ARHGAP15: variants seen among roughly 807,000 people sequenced by gnomAD.
The protein encoded by ARHGAP15 is Rho GTPase activating protein 15, also known as rho GTPase-activating protein 15.
A neutral mutation model predicts 63.7 loss-of-function variants in ARHGAP15; 51 were observed. The ratio of observed to expected loss-of-function variants is 0.80; its 90% confidence interval spans 0.64 to 1.01. The LOEUF (loss-of-function observed/expected upper bound fraction) is 1.01. Ranked by LOEUF, ARHGAP15 falls within the 50% of genes least tolerant of loss-of-function variation. ARHGAP15 has a pLI of 0.00. For missense variants in ARHGAP15, 560 were observed against 564.6 expected (o/e 0.99, Z 0.08); for synonymous variants, 191 against 193.8 (o/e 0.99, Z 0.12).
At chr2:143,356,346 A>C (rs916481554) in intron 6 of ARHGAP15, among the ~76,000 whole-genome samples, 1 of 152,152 alleles carries the variant, frequency 6.6e-6, no homozygotes, top group Non-Finnish European at 1.5e-5. Flanking sequence ...GATCTTTGTA[A>C]GATGAATTAA....
intron 6 of ARHGAP15, among the ~76,000 whole-genome samples, chr2:143,311,822 C>T (rs1490217630): frequency 6.6e-6 from 1 of 152,102 alleles, no homozygotes; most frequent in East Asian, 1.9e-4. Flanking sequence ...AGATGGCAAA[C>T]CGGTTCAACA....
intron 12 of ARHGAP15, among the ~76,000 whole-genome samples, chr2:143,661,488 A>G (rs1681771006): frequency 6.6e-6 from 1 of 152,198 alleles, no homozygotes; most frequent in Non-Finnish European, 1.5e-5. Context: ...CAAAAAAAGT[A>G]TGTCTTCTTA....
chr2:143,736,799 A>G (rs1685763077), intron 13 of ARHGAP15, among the ~76,000 whole-genome samples: 1 of 152,244 alleles, frequency 6.6e-6, no homozygotes, highest in South Asian at 2.1e-4. Flanking sequence ...TATGAAATAG[A>G]ATGAAGGACT....
chr2:143,465,274 T>C (rs1226240228), intron 8 of ARHGAP15, among the ~76,000 whole-genome samples: 1 of 152,140 alleles, frequency 6.6e-6, no homozygotes, highest in Non-Finnish European at 1.5e-5. Context: ...AGAGGAATAG[T>C]GGGCACTGCT....
At chr2:143,481,201 G>A (rs1468974330) in intron 8 of ARHGAP15, among the ~76,000 whole-genome samples, 1 of 151,772 alleles carries the variant, frequency 6.6e-6, no homozygotes, top group Non-Finnish European at 1.5e-5. Flanking sequence ...ATGTCCTTTT[G>A]GAATTGAATT....
chr2:143,430,609 A>T (rs1020207159), intron 6 of ARHGAP15, among the ~76,000 whole-genome samples: 1 of 152,070 alleles, frequency 6.6e-6, no homozygotes, highest in Non-Finnish European at 1.5e-5. Context: ...TATCATGTGT[A>T]TATTTTCTGC....
At chr2:143,389,573 A>G (rs983691979) in intron 6 of ARHGAP15, among the ~76,000 whole-genome samples, 9 of 152,184 alleles carry the variant, frequency 5.9e-5, no homozygotes, top group African/African-American at 2.2e-4. Flanking sequence ...TTTCAAAGGA[A>G]AATGCAAATT....
At chr2:143,525,327 AAAAC>A (rs1354206555) in intron 10 of ARHGAP15, among the ~76,000 whole-genome samples, 4 of 150,756 alleles carry the variant, frequency 2.7e-5, no homozygotes, top group East Asian at 2.0e-4. Flanking sequence ...TAACAAAAAC[AAAAC>A]AAACTGATAA....
At chr2:143,200,471 A>G (rs1692069653) in intron 2 of ARHGAP15, among the ~76,000 whole-genome samples, 2 of 152,008 alleles carry the variant, frequency 1.3e-5, no homozygotes, top group South Asian at 2.1e-4. Context: ...CCAGAACCAA[A>G]AACAATAAAG....
intron 13 of ARHGAP15, among the ~76,000 whole-genome samples, chr2:143,763,700 G>GCA (rs1686847484): frequency 2.3e-5 from 3 of 128,222 alleles, no homozygotes; most frequent in African/African-American, 3.0e-5. Context: ...ATATGTATGT[G>GCA]TATGTATATG....
intron 6 of ARHGAP15, among the ~76,000 whole-genome samples, chr2:143,257,077 T>G (rs923498770): frequency 5.9e-5 from 9 of 152,146 alleles, no homozygotes; most frequent in Non-Finnish European, 5.9e-5. Flanking sequence ...GAATTAAGAT[T>G]TATAAACTAA....
At chr2:143,275,049 A>C (rs914397518) in intron 6 of ARHGAP15, among the ~76,000 whole-genome samples, 2 of 152,048 alleles carry the variant, frequency 1.3e-5, no homozygotes, top group African/African-American at 4.8e-5. Context: ...ATACTTAGGA[A>C]GTTGAGGCAG....
At chr2:143,552,566 G>T (rs758994305) in intron 10 of ARHGAP15, among the ~76,000 whole-genome samples, 60 of 137,886 alleles carry the variant, frequency 4.4e-4, no homozygotes, top group Admixed American at 1.7e-3. Flanking sequence ...AAAAAGTCGG[G>T]GTGGGGAGGC....
chr2:143,514,198 A>G (rs887966136), intron 9 of ARHGAP15, among the ~76,000 whole-genome samples: 1 of 152,202 alleles, frequency 6.6e-6, no homozygotes, highest in Non-Finnish European at 1.5e-5. Context: ...GCTGGCACAC[A>G]GTGTCTGGCT....
Position 143,173,823 on chromosome 2 carries a change from C to T in ARHGAP15, c.165+18168C>T, listed in dbSNP as rs533760620. ...CAAGAGTACAATAGTACCTCAGCAG[C>T]AAATCACATGAAAATGTCAACCGTA... On this transcript the variant is annotated intron_variant, in intron 2 of 13. Coordinates refer to ENST00000295095, the MANE Select transcript of ARHGAP15 (RefSeq NM_018460.4). Among the ~76,000 whole-genome samples the T allele has an allele frequency of 4.3e-4, 66 of 152,098 alleles. 1 individual carries two copies. The highest frequency in any genetic ancestry group is 6.8e-3 in the Middle Eastern group (2 of 294).
At chr2:143,445,156 T>A (rs1054348527) in intron 8 of ARHGAP15, among the ~76,000 whole-genome samples, 2 of 119,308 alleles carry the variant, frequency 1.7e-5, no homozygotes, top group African/African-American at 6.4e-5. Flanking sequence ...AACAATTATT[T>A]TTTTTTTTTT....
intron 6 of ARHGAP15, among the ~76,000 whole-genome samples, chr2:143,272,088 CCT>C: frequency 6.6e-6 from 1 of 152,224 alleles, no homozygotes; most frequent in Admixed American, 6.5e-5. Flanking sequence ...TGAAATCTAT[CCT>C]CTTCTCATGC....
rs550044808 is a variant in ARHGAP15, at chr2:143,750,696, G to A, written c.1245-17293G>A. ...GTTAGAAGAGAATCACATGCAGAGC[G>A]TTTAAAATGTACCCAGGCCTAACTG... On this transcript the variant is annotated intron_variant, in intron 13 of 13. Coordinates refer to ENST00000295095, the MANE Select transcript of ARHGAP15 (RefSeq NM_018460.4). 1.1e-4 allele frequency among the ~76,000 whole-genome samples: 17 copies of A among 152,236 alleles called. No homozygotes were observed. In the South Asian group the frequency reaches 1.7e-3, roughly 15 times the overall value.
chr2:143,405,000 A>G (rs1688138223), intron 6 of ARHGAP15, among the ~76,000 whole-genome samples: 1 of 151,972 alleles, frequency 6.6e-6, no homozygotes, highest in Non-Finnish European at 1.5e-5. Context: ...TACAACTTCT[A>G]CATGAAAACA....
Sources: gnomAD v4.1 joint callset for allele counts (sites outside exome capture counted in the v4.1 genomes callset) on GRCh38, gnomAD v4.1.1 for gene constraint, MANE v1.5 for transcripts, NCBI Gene and HGNC (gene_info 2026-07-23, HGNC 2026-07-21) for gene names.